The following ENTREP2 variants were observed in gnomAD, a reference collection of about 807,000 sequenced individuals.
ENTREP2 encodes the protein protein ENTREP2.
At chr15:29,487,645 G>T in the ENTREP2 span, among the ~76,000 whole-genome samples, 1 of 152,186 alleles carries the variant, frequency 6.6e-6, no homozygotes, top group Admixed American at 6.5e-5. Context: ...GGTGGGGGAA[G>T]AATCTGATCT....
At chr15:29,497,930 A>G in the ENTREP2 span, among the ~76,000 whole-genome samples, 2 of 152,102 alleles carry the variant, frequency 1.3e-5, no homozygotes, top group Non-Finnish European at 2.9e-5. Context: ...TTTCCTCTTA[A>G]AACTACTTTT....
chr15:29,452,516 G>GA, the ENTREP2 span: 1 of 152,200 alleles, frequency 6.6e-6, no homozygotes, highest in African/African-American at 2.4e-5. Flanking sequence ...CTGTTTTCTT[G>GA]GTAGTATCTG....
chr15:29,518,869 G>C, the ENTREP2 span, among the ~76,000 whole-genome samples: 12 of 152,214 alleles, frequency 7.9e-5, no homozygotes, highest in African/African-American at 2.9e-4. Context: ...GAAGGTCACA[G>C]ATGACAAGGA....
At chr15:29,129,644 T>G in the ENTREP2 span, among the ~76,000 whole-genome samples, 5 of 152,292 alleles carry the variant, frequency 3.3e-5, no homozygotes, top group Non-Finnish European at 7.4e-5. Flanking sequence ...TACCACGCCC[T>G]GCTTTTTTCA....
At chr15:29,291,467 C>T in the ENTREP2 span, among the ~76,000 whole-genome samples, 1 of 152,148 alleles carries the variant, frequency 6.6e-6, no homozygotes, top group African/African-American at 2.4e-5. Context: ...TAAACCAGTG[C>T]TCCTTTTGCC....
the ENTREP2 span, among the ~76,000 whole-genome samples, chr15:29,439,428 A>G: frequency 6.6e-6 from 1 of 152,286 alleles, no homozygotes; most frequent in South Asian, 2.1e-4. Context: ...ATTGAATTAC[A>G]ACCTAAAGGC....
chr15:29,188,419 A>C, the ENTREP2 span, among the ~76,000 whole-genome samples: 6 of 151,158 alleles, frequency 4.0e-5, no homozygotes, highest in East Asian at 7.8e-4. Context: ...CCTTGCCCCC[A>C]CCCCCTGACA....
the ENTREP2 span, among the ~76,000 whole-genome samples, chr15:29,575,003 T>C: frequency 1.3e-5 from 2 of 152,106 alleles, no homozygotes; most frequent in East Asian, 3.9e-4. Context: ...CTAGATGCAA[T>C]AGGAGAAGGA....
chr15:29,380,915 G>A, the ENTREP2 span, among the ~76,000 whole-genome samples: 3 of 147,854 alleles, frequency 2.0e-5, no homozygotes, highest in East Asian at 4.1e-4. Context: ...GGTGTGGCGC[G>A]ATCTCGGCTC....
At chr15:29,573,401 C>G in the ENTREP2 span, among the ~76,000 whole-genome samples, 2 of 152,180 alleles carry the variant, frequency 1.3e-5, no homozygotes, top group Non-Finnish European at 2.9e-5. Flanking sequence ...ATGAATAAGG[C>G]AGCCCTCAGA....
the ENTREP2 span, among the ~76,000 whole-genome samples, chr15:29,328,957 AAC>A: frequency 6.6e-6 from 1 of 152,166 alleles, no homozygotes; most frequent in East Asian, 1.9e-4. Flanking sequence ...TGCCTGAAAA[AAC>A]AGATAATGCT....
chr15:29,424,674 T>C, the ENTREP2 span, among the ~76,000 whole-genome samples: 1 of 152,146 alleles, frequency 6.6e-6, no homozygotes, highest in African/African-American at 2.4e-5. Context: ...ATTTATTCCG[T>C]TGGTAACCAT....
chr15:29,238,740 G>A, the ENTREP2 span, among the ~76,000 whole-genome samples: 1 of 152,186 alleles, frequency 6.6e-6, no homozygotes, highest in Non-Finnish European at 1.5e-5. Flanking sequence ...AATCATGGCA[G>A]AAGGTGAAGG....
the ENTREP2 span, among the ~76,000 whole-genome samples, chr15:29,307,539 T>TA: frequency 6.6e-6 from 1 of 152,204 alleles, no homozygotes; most frequent in African/African-American, 2.4e-5. Flanking sequence ...GAGAAAAAAC[T>TA]AACTTACCTA....
the ENTREP2 span, among the ~76,000 whole-genome samples, chr15:29,377,211 T>C: frequency 6.6e-6 from 1 of 152,188 alleles, no homozygotes; most frequent in East Asian, 1.9e-4. Flanking sequence ...ATGCTAGTGC[T>C]AAGTCCCAGG....
chr15:29,148,428 C>T, the ENTREP2 span, among the ~76,000 whole-genome samples: 54 of 152,268 alleles, frequency 3.5e-4, no homozygotes, highest in Middle Eastern at 3.4e-3. Flanking sequence ...ATACTAAAAT[C>T]GGTGGAGGGT....
At chr15:29,574,931 C>CT in the ENTREP2 span, among the ~76,000 whole-genome samples, 1 of 152,068 alleles carries the variant, frequency 6.6e-6, no homozygotes, top group Non-Finnish European at 1.5e-5. Context: ...ACCAGGGGGA[C>CT]TTTTTTTAAG....
chr15:29,666,920 C>T, the ENTREP2 span, among the ~76,000 whole-genome samples: 1 of 152,316 alleles, frequency 6.6e-6, no homozygotes, highest in East Asian at 1.9e-4. Flanking sequence ...TTATCTTTCT[C>T]AGCTTCTGGT....
At chr15:29,123,283 G>A in the ENTREP2 span, 1 of 1,452,440 alleles carries the variant, frequency 6.9e-7, no homozygotes, top group Non-Finnish European at 9.1e-7. Context: ...GATGGCTTCT[G>A]CCAAGAACAT....
Sources: allele counts gnomAD v4.1 joint callset (sites outside exome capture counted in the v4.1 genomes callset), GRCh38; gene constraint gnomAD v4.1.1; transcripts MANE v1.5; gene names NCBI Gene and HGNC (gene_info 2026-07-23, HGNC 2026-07-21).